The following TSPEAR variants were observed in gnomAD, a reference collection of about 807,000 sequenced individuals.
The protein encoded by TSPEAR is thrombospondin type laminin G domain and EAR repeats.
TSPEAR carries 69 observed loss-of-function variants against 71.6 expected under a neutral mutation model. The ratio of observed to expected loss-of-function variants is 0.96; its 90% CI spans 0.79 to 1.18. The LOEUF (loss-of-function observed/expected upper bound fraction) is 1.18. Among genes scored for constraint, TSPEAR ranks in the 50% most tolerant of loss-of-function variants. The pLI, the probability that TSPEAR is intolerant of heterozygous loss-of-function variation, is 0.00. For missense variants in TSPEAR, 971 were observed against 894.9 expected (o/e 1.09, Z -1.09); for synonymous variants, 402 against 387.2 (o/e 1.04, Z -0.45).
intron 1 of TSPEAR, chr21:44,627,699 C>T: frequency 3.7e-6 from 6 of 1,603,636 alleles, no homozygotes; most frequent in Non-Finnish European, 5.1e-6. Flanking sequence ...GCACTTCCTC[C>T]CCCTGCCAGC....
intron 1 of TSPEAR, among the ~76,000 whole-genome samples, chr21:44,634,074 G>T (rs1983406208): frequency 6.6e-6 from 1 of 151,968 alleles, no homozygotes; most frequent in African/African-American, 2.4e-5. Context: ...GTAAGACCCT[G>T]GTCCCTAAAA....
intron 1 of TSPEAR, chr21:44,601,853 C>A: frequency 2.2e-6 from 3 of 1,374,624 alleles, no homozygotes; most frequent in South Asian, 2.9e-5. Flanking sequence ...CGTCAGTGGT[C>A]AGCTGGCCAT....
intron 1 of TSPEAR, among the ~76,000 whole-genome samples, chr21:44,662,050 G>C (rs924556486): frequency 5.3e-5 from 8 of 152,190 alleles, no homozygotes; most frequent in Non-Finnish European, 1.0e-4. Context: ...GGCATAGAAA[G>C]AGGGCAAAGA....
At chr21:44,589,032 A>C (rs1423588822) in intron 1 of TSPEAR, among the ~76,000 whole-genome samples, 2 of 152,108 alleles carry the variant, frequency 1.3e-5, no homozygotes, top group African/African-American at 4.8e-5. Context: ...TGGATAAAAA[A>C]CTACAAATAG....
intron 1 of TSPEAR, chr21:44,574,706 C>G: frequency 1.2e-6 from 2 of 1,608,918 alleles, no homozygotes; most frequent in East Asian, 4.5e-5. Context: ...GCCAGCAGGG[C>G]TGCTGCGTGC....
At chr21:44,646,590 C>G in intron 1 of TSPEAR, 4 of 1,612,574 alleles carry the variant, frequency 2.5e-6, no homozygotes, top group Non-Finnish European at 3.4e-6. Flanking sequence ...CCTCCCTGAG[C>G]CTGGTCTGCA....
intron 9 of TSPEAR, chr21:44,518,193 A>G (rs369308117): frequency 5.1e-6 from 2 of 393,442 alleles, no homozygotes. Flanking sequence ...ACTTAAAAAA[A>G]TTCCTTTCTG....
At chr21:44,706,577 C>A (rs1987937409) in intron 1 of TSPEAR, among the ~76,000 whole-genome samples, 1 of 152,238 alleles carries the variant, frequency 6.6e-6, no homozygotes, top group Non-Finnish European at 1.5e-5. Context: ...CTAAACGCTT[C>A]CCACGCAGTC....
At chr21:44,610,427 G>A (rs1981586355) in intron 1 of TSPEAR, among the ~76,000 whole-genome samples, 1 of 152,142 alleles carries the variant, frequency 6.6e-6, no homozygotes, top group African/African-American at 2.4e-5. Flanking sequence ...AGCCTTGGCA[G>A]CTTCCATGTT....
chr21:44,688,204 G>C (rs371874437), intron 1 of TSPEAR, among the ~76,000 whole-genome samples: 10 of 124,062 alleles, frequency 8.1e-5, no homozygotes, highest in South Asian at 5.4e-4. Context: ...GTGGGGTGCA[G>C]AGAATTGGGG....
intron 5 of TSPEAR, 39 bp from the exon 6 acceptor site, chr21:44,528,622 A>C (rs2052904536): frequency 6.2e-7 from 1 of 1,609,484 alleles, no homozygotes; most frequent in African/African-American, 1.3e-5. Context: ...CCAGCAAGCC[A>C]GTGCCCCCAA....
intron 1 of TSPEAR, chr21:44,697,431 C>A: frequency 1.2e-6 from 2 of 1,613,822 alleles, no homozygotes; most frequent in East Asian, 2.2e-5. Flanking sequence ...TCAGGCTGCA[C>A]CAGCTCCTGC....
rs1555931564 is a variant in TSPEAR, at chr21:44,612,862, C to T, written c.83-44857G>A. ...TGTCCTTCCTCTGCCGCCCCGCGTGCTCCCGCCTGGCCTGCTGAGGCCTCT... is the reference window on the plus strand; with the variant it reads ...TGTCCTTCCTCTGCCGCCCCGCGTGTTCCCGCCTGGCCTGCTGAGGCCTCT... On this transcript the variant is annotated intron_variant, in intron 1 of 11. Coordinates refer to ENST00000323084, the MANE Select transcript of TSPEAR (RefSeq NM_144991.3). This position sits in a 1 kb window ranked among gnomAD's most constrained non-coding sequence, Gnocchi z 4.1. 1.9e-6 allele frequency: 3 copies of T among 1,612,126 alleles called. No individual in the cohort carries two copies. Among genetic ancestry groups the T allele is most frequent in the South Asian group, 2.2e-5 (2 of 91,006 alleles).
chr21:44,557,738 A>C, intron 2 of TSPEAR: 1 of 401,608 alleles, frequency 2.5e-6, no homozygotes, highest in Non-Finnish European at 4.5e-6. Context: ...CCCACGCGGC[A>C]CGTTGAAGTT....
At chr21:44,500,812 T>C (rs1601310261) in intron 11 of TSPEAR, among the ~76,000 whole-genome samples, 1 of 152,226 alleles carries the variant, frequency 6.6e-6, no homozygotes, top group Admixed American at 6.5e-5. Context: ...TAAAGACACA[T>C]TTTTTATTAG....
At chr21:44,509,105 G>C in intron 10 of TSPEAR, 94 bp downstream of exon 10, 1 of 1,435,378 alleles carries the variant, frequency 7.0e-7, no homozygotes, top group Non-Finnish European at 9.5e-7. Context: ...GTCTTTCCAC[G>C]GGAAGGGTGG....
In TSPEAR at chr21:44,627,232, G is replaced by A. The variant is rs781933449; in HGVS notation, c.83-59227C>T. 42 of 1,612,660 alleles carry A rather than the reference G, an allele frequency of 2.6e-5. No individual in the cohort carries two copies. The highest frequency in any genetic ancestry group is 6.6e-5 in the South Asian group (6 of 91,018). On this transcript the variant is annotated intron_variant, in intron 1 of 11. Transcript: ENST00000323084. ...TTACTCCGACTCCTGGCAGGTGGACGACTGCCCAGAGAGCTGCTGTGAGCC... is the reference window on the plus strand; with the variant it reads ...TTACTCCGACTCCTGGCAGGTGGACAACTGCCCAGAGAGCTGCTGTGAGCC...
chr21:44,522,747 C>T (rs587618966), intron 8 of TSPEAR, among the ~76,000 whole-genome samples: 11 of 152,358 alleles, frequency 7.2e-5, no homozygotes, highest in South Asian at 2.1e-4. Context: ...TGGCACAAGG[C>T]GGGACAGCTG....
chr21:44,542,919 A>G (rs1369895653), intron 2 of TSPEAR, among the ~76,000 whole-genome samples: 2 of 152,306 alleles, frequency 1.3e-5, no homozygotes, highest in South Asian at 2.1e-4. Context: ...TATTACCTTC[A>G]AAGAAGCAAC....
Sources: allele counts gnomAD v4.1 joint callset (sites outside exome capture counted in the v4.1 genomes callset), GRCh38; gene constraint gnomAD v4.1.1; non-coding constraint Gnocchi (gnomAD v3.1); transcripts MANE v1.5; gene names NCBI Gene and HGNC (gene_info 2026-07-23, HGNC 2026-07-21).